Variants in FAM222A observed in about 807,000 individuals in gnomAD.
FAM222A encodes family with sequence similarity 222 member A.
Under a neutral mutation model 25.8 loss-of-function variants are expected in FAM222A, and 7 were observed. That is an observed-to-expected ratio of 0.27 (90% CI 0.15 to 0.51). The LOEUF is 0.51. Ranked by LOEUF, FAM222A falls within the 20% of genes least tolerant of loss-of-function variation. FAM222A has a pLI of 0.97. For synonymous variants in FAM222A, 294 were observed against 298.8 expected (o/e 0.98, Z 0.17); for missense variants, 573 against 640.5 (o/e 0.89, Z 1.14).
At chr12:109,765,633 C>T (rs536691145) in intron 2 of FAM222A, among the ~76,000 whole-genome samples, 41 of 152,344 alleles carry the variant, frequency 2.7e-4, no homozygotes, top group African/African-American at 9.9e-4. Context: ...CCCCATGTCC[C>T]GCCACCGCCT....
chr12:109,736,784 C>A (rs1888099223), intron 1 of FAM222A, among the ~76,000 whole-genome samples: 1 of 152,200 alleles, frequency 6.6e-6, no homozygotes, highest in Non-Finnish European at 1.5e-5. Flanking sequence ...TGCTCTCAGG[C>A]TGTACCCCGC....
intron 1 of FAM222A, among the ~76,000 whole-genome samples, chr12:109,728,703 G>A (rs1167610708): frequency 2.6e-5 from 4 of 152,272 alleles, no homozygotes; most frequent in East Asian, 1.9e-4. Context: ...CCATCTCTTC[G>A]TGCACAGTGT....
At chr12:109,737,817 G>C (rs567777204) in intron 1 of FAM222A, among the ~76,000 whole-genome samples, 5 of 152,218 alleles carry the variant, frequency 3.3e-5, no homozygotes, top group African/African-American at 1.2e-4. Context: ...CTGCCTAGCC[G>C]CAGCTCAAAT....
rs139255590 is a variant in FAM222A, at chr12:109,734,344, C to T, written c.-46-9757C>T. On this transcript the variant is annotated intron_variant, in intron 1 of 2. Transcript: ENST00000538780. ...GCAGGGGGGCGATGGGGCACAGGGA[C>T]GGGCAGGAATCTGTTGTAGAAGAGT... The T allele has an allele frequency of 5.8e-3, 876 of 152,226 alleles. 4 individuals carry two copies. The highest frequency in any genetic ancestry group is 0.011 in the South Asian group (51 of 4,810). 9.4% of individuals were successfully genotyped at this position (152,226 alleles called of 1,614,324 possible).
chr12:109,729,189 C>A (rs1489833629), intron 1 of FAM222A, among the ~76,000 whole-genome samples: 1 of 151,986 alleles, frequency 6.6e-6, no homozygotes, highest in Non-Finnish European at 1.5e-5. Flanking sequence ...TTGGGTTTTT[C>A]CCCCAAGAGA....
rs1338732064 is a variant in FAM222A, at chr12:109,714,201, T to TGCC, written c.-728_-726dup. 2.7e-4 allele frequency: 55 copies of TGCC among 206,042 alleles called. No homozygotes were observed. The highest frequency in any genetic ancestry group is 8.2e-4 in the African/African-American group (33 of 40,440). The allele number at this position is 206,042 out of a possible 1,614,324, so 12.8% of individuals were successfully genotyped here. ...CTGCATCCGAGCTTGCGTCGCCCGC[T>TGCC]GCCGCCGCCGCCGCCGCTGCCGCCG... On this transcript the variant is annotated 5_prime_UTR_variant, in exon 1 of 3. Transcript: ENST00000538780. This position sits in a 1 kb window ranked among gnomAD's most constrained non-coding sequence, Gnocchi z 4.2.
chr12:109,729,813 TTTC>T (rs1172722381), intron 1 of FAM222A, among the ~76,000 whole-genome samples: 2 of 152,170 alleles, frequency 1.3e-5, no homozygotes, highest in African/African-American at 2.4e-5. Context: ...GCTTTCAGTT[TTTC>T]TTCTTTTCGA....
At chr12:109,745,428 C>T (rs959208154) in intron 2 of FAM222A, among the ~76,000 whole-genome samples, 1 of 152,120 alleles carries the variant, frequency 6.6e-6, no homozygotes, top group East Asian at 1.9e-4. Flanking sequence ...GGATGTGTCA[C>T]GAGGATGTGG....
At chr12:109,731,741 G>A (rs781403842) in intron 1 of FAM222A, among the ~76,000 whole-genome samples, 8 of 152,158 alleles carry the variant, frequency 5.3e-5, no homozygotes, top group Non-Finnish European at 1.2e-4. Context: ...CATGTTGAGG[G>A]TCTCTGGGGC....
At chr12:109,733,741 A>T (rs1888006237) in intron 1 of FAM222A, among the ~76,000 whole-genome samples, 1 of 152,122 alleles carries the variant, frequency 6.6e-6, no homozygotes, top group Non-Finnish European at 1.5e-5. Flanking sequence ...GCACTGGTAT[A>T]GGGTATTTAG....
intron 2 of FAM222A, among the ~76,000 whole-genome samples, chr12:109,753,774 C>T (rs1178168607): frequency 6.6e-6 from 1 of 151,718 alleles, no homozygotes; most frequent in Non-Finnish European, 1.5e-5. Flanking sequence ...GAACCGCTGC[C>T]CACCAGCATT....
At chr12:109,756,043 A>G (rs1357136480) in intron 2 of FAM222A, among the ~76,000 whole-genome samples, 3 of 152,240 alleles carry the variant, frequency 2.0e-5, no homozygotes, top group African/African-American at 7.2e-5. Context: ...TTATAGATCA[A>G]CTTAGGGAAT....
In FAM222A at chr12:109,714,980, C is replaced by A. The variant is rs1429039271; in HGVS notation, c.-47+83C>A. The stretch of plus-strand genomic sequence containing the variant: ...GCAGCCAGGATTGGACAGAAGGGGT[C>A]CTAGGCTGTTGGGGGTCCTGAAGCA... On this transcript the variant is annotated intron_variant, in intron 1 of 2. Transcript: ENST00000538780. This position sits in a 1 kb window ranked among gnomAD's most constrained non-coding sequence, Gnocchi z 4.2. 2.0e-5 allele frequency: 3 copies of A among 152,598 alleles called. No individual in the cohort carries two copies. Among genetic ancestry groups the A allele is most frequent in the Non-Finnish European group, 2.9e-5 (2 of 68,362 alleles). The allele number at this position is 152,598 out of a possible 1,614,324, so 9.5% of individuals were successfully genotyped here.
chr12:109,769,062 G>T lies in FAM222A; in HGVS notation c.1133G>T (p.Arg378Leu). The T allele has an allele frequency of 6.3e-7, 1 of 1,595,054 alleles. No homozygotes were observed. Among genetic ancestry groups the T allele is most frequent in the South Asian group, 1.1e-5 (1 of 89,040 alleles). ...ACGGAGCTGGGGCCGGGGGCAGCCCGGGAGCTGGCTGGGCCCCCTGCAGAT... is the reference window on the plus strand; with the variant it reads ...ACGGAGCTGGGGCCGGGGGCAGCCCTGGAGCTGGCTGGGCCCCCTGCAGAT... The part of the protein sequence containing the change: ...VVTELGPGAA[R>L]ELAGPPADAL... The change falls in exon 3 of 3, where the codon CGG (arginine) becomes CTG (leucine). Residue 378 changes from arginine to leucine, a missense_variant. Coordinates refer to ENST00000538780, the MANE Select transcript of FAM222A (RefSeq NM_032829.3).
At chr12:109,740,456 G>A (rs7952780) in intron 1 of FAM222A, among the ~76,000 whole-genome samples, 23,941 of 152,150 alleles carry the variant, frequency 0.16, 2,064 homozygotes, top group Middle Eastern at 0.29. Flanking sequence ...AAAATGAACA[G>A]TGCTCCCTGG....
At chr12:109,737,397 G>T (rs1324435898) in intron 1 of FAM222A, among the ~76,000 whole-genome samples, 11 of 152,034 alleles carry the variant, frequency 7.2e-5, no homozygotes, top group African/African-American at 2.7e-4. Flanking sequence ...CAATGGAGGG[G>T]TGTTGGAGCC....
chr12:109,746,026 GTTT>G (rs1435566466), intron 2 of FAM222A, among the ~76,000 whole-genome samples: 1 of 151,976 alleles, frequency 6.6e-6, no homozygotes, highest in Admixed American at 6.6e-5. Flanking sequence ...CCCCAAGTTG[GTTT>G]TTGTTTTTGA....
At chr12:109,754,417 G>C (rs1039577886) in intron 2 of FAM222A, among the ~76,000 whole-genome samples, 1 of 151,864 alleles carries the variant, frequency 6.6e-6, no homozygotes, top group Admixed American at 6.6e-5. Context: ...CTTTAGCAAC[G>C]TAAGATCAAC....
chr12:109,742,821 A>G (rs1888281547), intron 1 of FAM222A, among the ~76,000 whole-genome samples: 1 of 152,132 alleles, frequency 6.6e-6, no homozygotes, highest in Non-Finnish European at 1.5e-5. Context: ...CAAGATTGGA[A>G]TAATTGCGCC....
Sources: gnomAD v4.1 joint callset for allele counts (sites outside exome capture counted in the v4.1 genomes callset) on GRCh38, gnomAD v4.1.1 for gene constraint, Gnocchi (gnomAD v3.1) non-coding constraint, MANE v1.5 for transcripts, NCBI Gene and HGNC (gene_info 2026-07-23, HGNC 2026-07-21) for gene names.